MESD: variants seen among roughly 807,000 people sequenced by gnomAD.
MESD encodes mesoderm development LRP chaperone, also known as LRP chaperone MESD.
A neutral mutation model predicts 12.9 loss-of-function variants in MESD; 7 were observed. The ratio of observed to expected loss-of-function variants is 0.54; its 90% confidence interval spans 0.31 to 1.02. The LOEUF is 1.02. Ranked by LOEUF, MESD falls within the 50% of genes least tolerant of loss-of-function variation. The pLI is 0.05. For missense variants in MESD, 342 were observed against 296.7 expected (o/e 1.15, Z -1.12); for synonymous variants, 126 against 115.6 (o/e 1.09, Z -0.58).
At chr15:80,974,639 A>G (rs75366629), downstream of MESD, among the ~76,000 whole-genome samples, 3,780 of 151,202 alleles carry the variant, frequency 0.025, 156 homozygotes, top group African/African-American at 0.086. Context: ...ATACAAAACT[A>G]AAGTTAACAG....
At chr15:80,973,161 T>C (rs752363205), downstream of MESD, among the ~76,000 whole-genome samples, 16 of 152,324 alleles carry the variant, frequency 1.1e-4, no homozygotes, top group Non-Finnish European at 1.9e-4. Flanking sequence ...CAAAGGGATC[T>C]TGGCCAAATG....
intron 3 of MESD, among the ~76,000 whole-genome samples, chr15:80,961,963 A>T (rs1567120203): frequency 6.6e-6 from 1 of 152,222 alleles, no homozygotes; most frequent in Non-Finnish European, 1.5e-5. Context: ...TAGCATCATC[A>T]TAACAGGATC....
chr15:80,952,201 G>T, exon 4 of MESD: 1 of 456,298 alleles, frequency 2.2e-6, no homozygotes, highest in South Asian at 1.5e-5. Context: ...GAGCATGGGG[G>T]CTGAGGTGGG....
downstream of MESD, chr15:80,947,132 GTGCTGTCATCTTT>G: frequency 2.0e-6 from 2 of 1,021,550 alleles, no homozygotes; most frequent in Non-Finnish European, 3.1e-6. Context: ...GGCATGGAGG[GTGCTGTCATCTTT>G]TGCTGAGTTG....
chr15:80,974,772 G>T (rs117379686), downstream of MESD, among the ~76,000 whole-genome samples: 7,304 of 148,028 alleles, frequency 0.049, 228 homozygotes, highest in Middle Eastern at 0.17. Flanking sequence ...ACAACACTAA[G>T]ACTTTTCCTA....
intron 3 of MESD, among the ~76,000 whole-genome samples, chr15:80,956,345 C>T (rs780558265): frequency 8.5e-5 from 13 of 152,154 alleles, no homozygotes; most frequent in Non-Finnish European, 1.9e-4. Flanking sequence ...CTGCTCCCCT[C>T]GACTGCAAGA....
chr15:80,982,056 G>C lies in MESD; in HGVS notation c.340C>G (p.Leu114Val), dbSNP rs376822687. The C allele has an allele frequency of 1.9e-6, 3 of 1,614,004 alleles. No individual in the cohort carries two copies. Among genetic ancestry groups the C allele is most frequent in the African/African-American group, 2.7e-5 (2 of 74,900 alleles). ...ILKMTKKGKT[L>V]MMFVTVSGSP... ...CCTGATACAGTGACAAACATCATGA[G>C]AGTCTTCCCTTTTTTCGTCATTTTC... The change falls in exon 2 of 3, where the codon CTC becomes GTC. Residue 114 changes from leucine to valine, a missense_variant. Coordinates refer to ENST00000261758, the MANE Select transcript of MESD (RefSeq NM_015154.3).
In MESD at chr15:80,965,212, T is replaced by A. The variant is rs1596227988; in HGVS notation, c.*289-12916A>T. ...CAACAGACATATGAAAAAATGTTCATGATCACTGGTCATCAGAGAAATGCA... is the reference window on the plus strand; with the variant it reads ...CAACAGACATATGAAAAAATGTTCAAGATCACTGGTCATCAGAGAAATGCA... On this transcript the variant is annotated intron_variant, in intron 3 of 4. Transcript: ENST00000561312. 5.9e-5 allele frequency among the ~76,000 whole-genome samples: 9 copies of A among 152,330 alleles called. No homozygotes were observed. In the South Asian group the frequency reaches 1.7e-3, roughly 28 times the overall value.
intron 3 of MESD, among the ~76,000 whole-genome samples, chr15:80,961,125 T>C (rs1187320552): frequency 6.6e-6 from 1 of 152,194 alleles, no homozygotes; most frequent in African/African-American, 2.4e-5. Context: ...CCAGGGCTAT[T>C]GCACTACTCC....
chr15:80,948,039 A>G (rs1038239061), exon 5 of MESD: 1 of 152,868 alleles, frequency 6.5e-6, no homozygotes, highest in Admixed American at 6.5e-5. Flanking sequence ...ACATAAGGAA[A>G]AGAGAAGTAT....
intron 1 of MESD, among the ~76,000 whole-genome samples, chr15:80,985,106 T>C (rs1435831423): frequency 1.3e-5 from 2 of 152,220 alleles, no homozygotes; most frequent in Non-Finnish European, 2.9e-5. Flanking sequence ...TCTTTTCCAC[T>C]CTGCCACCCT....
At chr15:80,958,388 T>C (rs1188913849) in intron 3 of MESD, among the ~76,000 whole-genome samples, 2 of 152,208 alleles carry the variant, frequency 1.3e-5, no homozygotes, top group African/African-American at 4.8e-5. Context: ...TGAAGAGCAG[T>C]GGTGCGATCT....
chr15:80,948,637 C>T (rs1039348486), exon 5 of MESD: 1 of 939,692 alleles, frequency 1.1e-6, no homozygotes. Flanking sequence ...CAGGCACCAT[C>T]AGTAGCTGAG....
chr15:80,953,205 C>A (rs1412910136), intron 3 of MESD, among the ~76,000 whole-genome samples: 1 of 152,146 alleles, frequency 6.6e-6, no homozygotes, highest in Non-Finnish European at 1.5e-5. Context: ...GCTTTAGGGC[C>A]CACTGGCTGT....
rs1336884171 is a variant in MESD at position 80,982,020 on chromosome 15, C to T, written c.376G>A (p.Glu126Lys). 6.2e-7 allele frequency: 1 copy of T among 1,614,202 alleles called. No homozygotes were observed. Among genetic ancestry groups the T allele is most frequent in the Non-Finnish European group, 8.5e-7 (1 of 1,180,042 alleles). ...CTCGTAATTTCCTCTGTCTCCTTCT[C>T]AGTAGGGCTTCCTGATACAGTGACA... is the stretch of plus-strand genomic sequence containing the variant. ...MFVTVSGSPT[E>K]KETEEITSLW... The change falls in exon 2 of 3, where the codon GAG becomes AAG. Residue 126 changes from glutamate (E) to lysine (K), a missense_variant. Coordinates refer to ENST00000261758, the MANE Select transcript of MESD (RefSeq NM_015154.3).
intron 1 of MESD, among the ~76,000 whole-genome samples, chr15:80,989,271 G>A (rs1263194347): frequency 6.6e-6 from 1 of 152,178 alleles, no homozygotes; most frequent in African/African-American, 2.4e-5. Flanking sequence ...AAGACAACCA[G>A]GGCACTGAAG....
rs999514742 is a variant in MESD at position 80,954,743 on chromosome 15, C to T, written c.*289-2447G>A. ...AGCTTTGAAAGCTATAAAGCAAGCT[C>T]GTCTAACCCACCGCCAGTGGGCTAC... On this transcript the variant is annotated intron_variant, in intron 3 of 4. Transcript: ENST00000561312. 6.6e-5 allele frequency among the ~76,000 whole-genome samples: 10 copies of T among 152,228 alleles called. No individual in the cohort carries two copies. The East Asian group carries it at 1.7e-3, about 26-fold the overall frequency.
At chr15:80,983,881 T>C (rs911317888) in intron 1 of MESD, among the ~76,000 whole-genome samples, 7 of 140,604 alleles carry the variant, frequency 5.0e-5, no homozygotes, top group African/African-American at 1.3e-4. Context: ...AAATTACTAA[T>C]AGAAAACAGT....
chr15:80,948,801 A>G (rs1449372190), exon 5 of MESD: 1 of 1,614,122 alleles, frequency 6.2e-7, no homozygotes, highest in East Asian at 2.2e-5. Context: ...TTTCAGAGCA[A>G]ATGGCATTCG....
Sources: gnomAD v4.1 joint callset for allele counts (sites outside exome capture counted in the v4.1 genomes callset) on GRCh38, gnomAD v4.1.1 for gene constraint, MANE v1.5 for transcripts, NCBI Gene and HGNC (gene_info 2026-07-23, HGNC 2026-07-21) for gene names.